The following CDH13 variants were observed in gnomAD, a reference collection of about 807,000 sequenced individuals.
CDH13 encodes the protein cadherin 13, also known as cadherin-13.
In CDH13, 24 loss-of-function variants were observed where a neutral mutation model predicts 63.8. The observed-to-expected ratio is 0.38, with a 90% confidence interval of 0.27 to 0.53. CDH13 has a LOEUF of 0.53. Among genes scored for constraint, CDH13 ranks in the 20% least tolerant of loss-of-function variants. The pLI is 0.85. For synonymous variants in CDH13, 503 were observed against 355.3 expected, an observed-to-expected ratio of 1.42 and a Z score of -4.67; for missense variants, 1,049 against 903.1, an observed-to-expected ratio of 1.16 and a Z score of -2.07.
chr16:83,531,058 C>A (rs1351367787), intron 7 of CDH13, among the ~76,000 whole-genome samples: 1 of 152,156 alleles, frequency 6.6e-6, no homozygotes, highest in East Asian at 1.9e-4. Context: ...AAATAACTTT[C>A]TTCCGGTAAA....
At chr16:82,892,311 A>C (rs1239280094) in intron 2 of CDH13, among the ~76,000 whole-genome samples, 5 of 152,188 alleles carry the variant, frequency 3.3e-5, no homozygotes, top group Admixed American at 6.5e-5. Context: ...TCTATGCAGC[A>C]TTTGTGCCTG....
At chr16:83,607,619 C>T (rs1327466186) in intron 8 of CDH13, among the ~76,000 whole-genome samples, 2 of 152,048 alleles carry the variant, frequency 1.3e-5, no homozygotes, top group African/African-American at 2.4e-5. Flanking sequence ...ATACGATGAA[C>T]GAAGATTGTA....
chr16:83,296,499 A>T (rs1441908573), intron 5 of CDH13, among the ~76,000 whole-genome samples: 1 of 152,144 alleles, frequency 6.6e-6, no homozygotes, highest in African/African-American at 2.4e-5. Context: ...AAGACAGGAG[A>T]CTAGGAAATG....
At chr16:83,728,929 C>G (rs1910739232) in intron 10 of CDH13, 2 of 153,480 alleles carry the variant, frequency 1.3e-5, no homozygotes, top group African/African-American at 2.4e-5. Context: ...GGGGAGGGCT[C>G]TCTTTCTGGC....
chr16:83,790,650 G>A (rs1212915330), intron 13 of CDH13, among the ~76,000 whole-genome samples: 2 of 152,096 alleles, frequency 1.3e-5, no homozygotes, highest in Non-Finnish European at 2.9e-5. Context: ...TGATCCGCCC[G>A]CCTCGGCCTC....
intron 6 of CDH13, among the ~76,000 whole-genome samples, chr16:83,431,292 T>C (rs939332871): frequency 4.6e-5 from 7 of 151,874 alleles, no homozygotes; most frequent in African/African-American, 1.7e-4. Flanking sequence ...ACACACCAGT[T>C]CTTATAATTG....
rs370037527 is a variant in CDH13 at position 83,334,341 on chromosome 16, C to CCTCTCTCT, written c.637-10507_637-10500dup. Reference sequence around the variant, plus strand: ...CCCTATCTCCCTCTCTCCCTTTCTCCCTCTCTCTCTCTCTCTCTCTCACAC... The same window carrying CCTCTCTCT: ...CCCTATCTCCCTCTCTCCCTTTCTCCCTCTCTCTCTCTCTCTCTCTCTCTCTCTCACAC... On this transcript the variant is annotated intron_variant, in intron 5 of 13. Transcript: ENST00000567109. 7.3e-5 allele frequency among the ~76,000 whole-genome samples: 8 copies of CCTCTCTCT among 109,232 alleles called. 1 individual carries two copies. In the South Asian group the frequency reaches 1.1e-3, roughly 16 times the overall value. 71.7% of individuals were successfully genotyped at this position (109,232 alleles called of 152,430 possible).
intron 4 of CDH13, among the ~76,000 whole-genome samples, chr16:83,201,671 G>C (rs2039034230): frequency 6.6e-6 from 1 of 151,924 alleles, no homozygotes; most frequent in Admixed American, 6.6e-5. Flanking sequence ...GCTGAGGCGG[G>C]CAGGTCACGA....
At chr16:83,705,479 G>A (rs1408498353) in intron 10 of CDH13, among the ~76,000 whole-genome samples, 8 of 152,150 alleles carry the variant, frequency 5.3e-5, no homozygotes, top group East Asian at 1.9e-4. Flanking sequence ...AAAATTAGCC[G>A]GGCATGATGG....
intron 5 of CDH13, among the ~76,000 whole-genome samples, chr16:83,250,531 G>A (rs1378469062): frequency 1.3e-5 from 2 of 152,168 alleles, no homozygotes; most frequent in Admixed American, 6.5e-5. Flanking sequence ...GCAGAGAAGC[G>A]AGCGTTCATA....
intron 1 of CDH13, among the ~76,000 whole-genome samples, chr16:82,681,046 G>A (rs1404983624): frequency 2.0e-5 from 3 of 152,226 alleles, no homozygotes; most frequent in African/African-American, 4.8e-5. Flanking sequence ...GCAGATGAGA[G>A]CAGGTCTGTT....
chr16:83,789,711 G>A (rs1460942153), intron 13 of CDH13, among the ~76,000 whole-genome samples: 3 of 152,072 alleles, frequency 2.0e-5, no homozygotes, highest in Admixed American at 2.0e-4. Context: ...AGAATTTTGG[G>A]AGCAAGGAAA....
intron 5 of CDH13, among the ~76,000 whole-genome samples, chr16:83,338,898 G>A (rs1182846642): frequency 6.6e-6 from 1 of 152,162 alleles, no homozygotes; most frequent in African/African-American, 2.4e-5. Context: ...TCAAAGCAAA[G>A]GTATTTGCTG....
intron 8 of CDH13, among the ~76,000 whole-genome samples, chr16:83,609,258 A>G (rs1908644579): frequency 6.6e-6 from 1 of 152,136 alleles, no homozygotes; most frequent in African/African-American, 2.4e-5. Flanking sequence ...TTAGCTCATC[A>G]GCTATCATAT....
intron 5 of CDH13, among the ~76,000 whole-genome samples, chr16:83,233,873 T>G (rs1447833242): frequency 6.6e-6 from 1 of 152,206 alleles, no homozygotes; most frequent in Non-Finnish European, 1.5e-5. Flanking sequence ...GGGGCCGCTA[T>G]TCTACCTACC....
intron 11 of CDH13, among the ~76,000 whole-genome samples, chr16:83,768,768 G>A (rs932336430): frequency 2.0e-5 from 3 of 151,904 alleles, no homozygotes; most frequent in Non-Finnish European, 4.4e-5. Flanking sequence ...GGTGCTGGTT[G>A]GAGTGTAGCA....
chr16:82,910,821 C>T (rs1022191263), intron 2 of CDH13, among the ~76,000 whole-genome samples: 2 of 152,176 alleles, frequency 1.3e-5, no homozygotes, highest in East Asian at 1.9e-4. Context: ...CATATTGTCC[C>T]TTTCAGAGCA....
chr16:82,995,567 G>A (rs1031350562), intron 2 of CDH13, among the ~76,000 whole-genome samples: 1 of 152,162 alleles, frequency 6.6e-6, no homozygotes, highest in Non-Finnish European at 1.5e-5. Context: ...ATTCTGGACT[G>A]CCAACCTAGA....
intron 1 of CDH13, among the ~76,000 whole-genome samples, chr16:82,813,898 T>G (rs2037572441): frequency 6.6e-6 from 1 of 152,180 alleles, no homozygotes; most frequent in Non-Finnish European, 1.5e-5. Context: ...TCTTGCCCTC[T>G]CTGAGTCAGT....
Sources: allele counts gnomAD v4.1 joint callset (sites outside exome capture counted in the v4.1 genomes callset), GRCh38; gene constraint gnomAD v4.1.1; transcripts MANE v1.5; gene names NCBI Gene and HGNC (gene_info 2026-07-23, HGNC 2026-07-21).